Variants in BMPER observed in about 807,000 individuals in gnomAD.
BMPER encodes BMP-binding endothelial regulator protein.
In BMPER, 45 loss-of-function variants were observed where a neutral mutation model predicts 87.3. The ratio of observed to expected loss-of-function variants is 0.52; its 90% CI spans 0.41 to 0.66. BMPER has a LOEUF of 0.66. BMPER is among the 30% of genes least tolerant of loss of function. BMPER has a pLI of 0.00. For missense variants in BMPER, 784 were observed against 867.5 expected (o/e 0.90, Z 1.21); for synonymous variants, 326 against 316.2 (o/e 1.03, Z -0.33).
chr7:33,916,863 G>GC (rs1190353998), intron 2 of BMPER, among the ~76,000 whole-genome samples: 4 of 144,952 alleles, frequency 2.8e-5, no homozygotes, highest in Non-Finnish European at 6.3e-5. Flanking sequence ...ACTTGGGATA[G>GC]CTCCCCCCAG....
At chr7:34,036,070 G>A (rs983026550) in intron 6 of BMPER, among the ~76,000 whole-genome samples, 1 of 152,068 alleles carries the variant, frequency 6.6e-6, no homozygotes, top group Non-Finnish European at 1.5e-5. Flanking sequence ...CTGCATAATG[G>A]TGTTATTTCC....
At chr7:34,086,232 C>A in intron 13 of BMPER, 140 bp downstream of exon 13, 1 of 967,078 alleles carries the variant, frequency 1.0e-6, no homozygotes, top group Non-Finnish European at 1.6e-6. Flanking sequence ...TGTCCAGGAG[C>A]TGATCTCATC....
chr7:34,143,794 C>T (rs1583478866), intron 14 of BMPER, among the ~76,000 whole-genome samples: 1 of 152,102 alleles, frequency 6.6e-6, no homozygotes, highest in East Asian at 1.9e-4. Context: ...TTTTTTTCCC[C>T]TCTGAGAGAT....
chr7:33,929,306 C>T (rs1168742231), intron 2 of BMPER, among the ~76,000 whole-genome samples: 1 of 152,088 alleles, frequency 6.6e-6, no homozygotes, highest in Non-Finnish European at 1.5e-5. Flanking sequence ...ATGCTGCAAG[C>T]CTCCCAAGAG....
At chr7:33,960,469 C>T (rs1323923556) in intron 3 of BMPER, among the ~76,000 whole-genome samples, 2 of 152,124 alleles carry the variant, frequency 1.3e-5, no homozygotes, top group African/African-American at 4.8e-5. Context: ...GCAGGGGTGC[C>T]CTATCAGGTG....
At chr7:33,956,511 A>G (rs1785151139) in intron 3 of BMPER, among the ~76,000 whole-genome samples, 1 of 152,104 alleles carries the variant, frequency 6.6e-6, no homozygotes, top group South Asian at 2.1e-4. Flanking sequence ...TCACATGCAG[A>G]TCTTTTTCAA....
chr7:33,906,270 T>A (rs1028185855), intron 1 of BMPER, among the ~76,000 whole-genome samples: 3 of 152,214 alleles, frequency 2.0e-5, no homozygotes, highest in Non-Finnish European at 2.9e-5. Context: ...AGGACATACT[T>A]TACTGACACC....
chr7:33,995,218 A>G (rs760112305), intron 6 of BMPER, among the ~76,000 whole-genome samples: 7 of 152,154 alleles, frequency 4.6e-5, no homozygotes, highest in Non-Finnish European at 8.8e-5. Context: ...AGACTCTTAC[A>G]TAATAAAGTT....
intron 6 of BMPER, among the ~76,000 whole-genome samples, chr7:34,031,380 T>C (rs566527510): frequency 6.6e-5 from 10 of 152,260 alleles, no homozygotes; most frequent in African/African-American, 2.4e-4. Flanking sequence ...TGCAAGATTA[T>C]TTTATAAAAT....
intron 6 of BMPER, among the ~76,000 whole-genome samples, chr7:33,981,959 AAC>A (rs768052776): frequency 1.3e-5 from 2 of 152,190 alleles, no homozygotes; most frequent in Non-Finnish European, 2.9e-5. Context: ...AGCAGTCACC[AAC>A]AATCAGGGCC....
chr7:33,996,081 T>C (rs191014696), intron 6 of BMPER, among the ~76,000 whole-genome samples: 134 of 152,330 alleles, frequency 8.8e-4, no homozygotes, highest in African/African-American at 3.0e-3. Flanking sequence ...CTGCAGCAAA[T>C]AGGACCTATG....
intron 2 of BMPER, among the ~76,000 whole-genome samples, chr7:33,925,332 C>G (rs964906129): frequency 8.5e-5 from 13 of 152,106 alleles, no homozygotes; most frequent in Non-Finnish European, 1.6e-4. Flanking sequence ...ATGACTTGCC[C>G]TTTTCGTAGC....
At chr7:34,002,811 T>A (rs1332498171) in intron 6 of BMPER, among the ~76,000 whole-genome samples, 2 of 151,818 alleles carry the variant, frequency 1.3e-5, no homozygotes, top group Non-Finnish European at 3.0e-5. Flanking sequence ...TTTTGTTTGA[T>A]GATAGTATAG....
intron 2 of BMPER, among the ~76,000 whole-genome samples, chr7:33,909,511 A>G (rs1783901817): frequency 6.6e-6 from 1 of 152,124 alleles, no homozygotes; most frequent in African/African-American, 2.4e-5. Flanking sequence ...ACCTGCAGGG[A>G]GCGTTAGTGG....
chr7:34,138,861 T>A (rs964391705), intron 13 of BMPER, among the ~76,000 whole-genome samples: 1 of 152,108 alleles, frequency 6.6e-6, no homozygotes, highest in African/African-American at 2.4e-5. Flanking sequence ...CAGAACAATG[T>A]CATGACAGCA....
At chr7:33,957,252 A>C (rs1785168445) in intron 3 of BMPER, among the ~76,000 whole-genome samples, 1 of 151,758 alleles carries the variant, frequency 6.6e-6, no homozygotes, top group Non-Finnish European at 1.5e-5. Context: ...CATACCAAGG[A>C]ATGATATGGA....
intron 6 of BMPER, among the ~76,000 whole-genome samples, chr7:34,031,708 G>A (rs940409295): frequency 5.3e-5 from 8 of 151,574 alleles, no homozygotes; most frequent in Admixed American, 4.6e-4. Flanking sequence ...CACTTATAGA[G>A]CAAGCACTGT....
At chr7:33,946,579 A>C (rs985090794) in intron 3 of BMPER, among the ~76,000 whole-genome samples, 1 of 152,238 alleles carries the variant, frequency 6.6e-6, no homozygotes, top group South Asian at 2.1e-4. Flanking sequence ...ACCAGTTTCT[A>C]GGCTTCCTTG....
intron 6 of BMPER, among the ~76,000 whole-genome samples, chr7:34,037,523 T>C (rs576052088): frequency 6.6e-6 from 1 of 152,192 alleles, no homozygotes; most frequent in East Asian, 1.9e-4. Context: ...TTGGGAGTCA[T>C]CTAGCTGACC....
Sources: allele counts gnomAD v4.1 joint callset (sites outside exome capture counted in the v4.1 genomes callset), GRCh38; gene constraint gnomAD v4.1.1; transcripts MANE v1.5; gene names NCBI Gene and HGNC (gene_info 2026-07-23, HGNC 2026-07-21).